The following RIMBP2 variants were observed in gnomAD, a reference collection of about 807,000 sequenced individuals.
The protein encoded by RIMBP2 is RIMS binding protein 2.
Under a neutral mutation model 118.6 loss-of-function variants are expected in RIMBP2, and 48 were observed. The ratio of observed to expected loss-of-function variants is 0.40; its 90% CI spans 0.32 to 0.51. RIMBP2 has a LOEUF of 0.51. RIMBP2 is among the 20% of genes least tolerant of loss of function. RIMBP2 has a pLI of 0.41. For missense variants in RIMBP2, 1,551 were observed against 1,768.3 expected (o/e 0.88, Z 2.20); for synonymous variants, 762 against 742.9 (o/e 1.03, Z -0.42).
At chr12:130,438,340 C>CCCCA (rs1947402746) in intron 12 of RIMBP2, 25 bp downstream of exon 12, 15 of 1,107,848 alleles carry the variant, frequency 1.4e-5, no homozygotes, top group Non-Finnish European at 1.9e-5. Context: ...AACAAACCCT[C>CCCCA]CCCACCCACC....
chr12:130,497,417 GT>G (rs1398914915), intron 4 of RIMBP2, among the ~76,000 whole-genome samples: 1 of 152,170 alleles, frequency 6.6e-6, no homozygotes, highest in African/African-American at 2.4e-5. Flanking sequence ...TAGAAACCTT[GT>G]GAGTGTGAAG....
intron 1 of RIMBP2, among the ~76,000 whole-genome samples, chr12:130,692,459 A>G (rs1343071571): frequency 6.6e-6 from 1 of 152,084 alleles, no homozygotes; most frequent in Non-Finnish European, 1.5e-5. Flanking sequence ...AATTTTAATT[A>G]AAAACCATTA....
chr12:130,439,953 A>G (rs796883508), intron 11 of RIMBP2, among the ~76,000 whole-genome samples: 61 of 150,974 alleles, frequency 4.0e-4, no homozygotes, highest in African/African-American at 1.4e-3. Flanking sequence ...GTATTCATGT[A>G]TGTGGGTCTG....
intron 2 of RIMBP2, among the ~76,000 whole-genome samples, chr12:130,604,471 CCACTCACTCACTCACT>C (rs140093680): frequency 1.6e-3 from 221 of 134,046 alleles, no homozygotes; most frequent in South Asian, 4.8e-3. Flanking sequence ...CATTCACTCT[CCACTCACTCACTCACT>C]CACTCACTCA....
intron 2 of RIMBP2, among the ~76,000 whole-genome samples, chr12:130,592,346 CT>C (rs2140328532): frequency 6.6e-6 from 1 of 152,298 alleles, no homozygotes; most frequent in South Asian, 2.1e-4. Context: ...GGTCTCTTTT[CT>C]GTTTTGACAG....
intron 1 of RIMBP2, among the ~76,000 whole-genome samples, chr12:130,674,722 T>C (rs79411835): frequency 6.6e-6 from 1 of 152,112 alleles, no homozygotes; most frequent in Admixed American, 6.5e-5. Context: ...AAAACCTTCT[T>C]ATCACCCCAA....
At chr12:130,593,383 C>T (rs957711515) in intron 2 of RIMBP2, among the ~76,000 whole-genome samples, 2 of 152,238 alleles carry the variant, frequency 1.3e-5, no homozygotes, top group African/African-American at 2.4e-5. Flanking sequence ...GTGCCCCGCA[C>T]AGGGAAGACG....
Position 130,447,479 on chromosome 12 carries a change from A to C in RIMBP2, c.582-2210T>G, listed in dbSNP as rs1450793832. On this transcript the variant is annotated intron_variant, in intron 9 of 22. Transcript: ENST00000690449. The surrounding 1 kb of genome is among the most constrained non-coding windows in gnomAD (Gnocchi z 4.4). ...TAGGTCAGGGGTCACGCAGCGCTGG[A>C]GGCGGGGGAGGAGGGACAGGTGATC... is the stretch of plus-strand genomic sequence containing the variant. Among the ~76,000 whole-genome samples the C allele has an allele frequency of 6.6e-6, 1 of 151,564 alleles. No homozygotes were observed. The highest frequency in any genetic ancestry group is 6.6e-5 in the Admixed American group (1 of 15,226).
chr12:130,685,704 T>C (rs7972744), intron 1 of RIMBP2, among the ~76,000 whole-genome samples: 11,870 of 152,182 alleles, frequency 0.078, 1,560 homozygotes, highest in African/African-American at 0.27. Context: ...CGACTCTTTA[T>C]GTTCTAAAAG....
intron 1 of RIMBP2, among the ~76,000 whole-genome samples, chr12:130,655,557 T>C (rs757596445): frequency 1.3e-5 from 2 of 152,166 alleles, no homozygotes; most frequent in Non-Finnish European, 2.9e-5. Flanking sequence ...TTAGGGAATT[T>C]ATTGAGATTT....
intron 1 of RIMBP2, among the ~76,000 whole-genome samples, chr12:130,713,247 A>AAGAT (rs1555327794): frequency 3.4e-5 from 5 of 147,868 alleles, no homozygotes; most frequent in African/African-American, 1.3e-4. Flanking sequence ...GGAAGGAAGG[A>AAGAT]AGGAAGGAAG....
intron 2 of RIMBP2, among the ~76,000 whole-genome samples, chr12:130,562,215 C>T (rs989617401): frequency 5.9e-5 from 9 of 152,138 alleles, no homozygotes; most frequent in African/African-American, 2.2e-4. Flanking sequence ...TACTTCAAAG[C>T]CACCCTCCAT....
chr12:130,451,238 A>G lies in RIMBP2; in HGVS notation c.461T>C (p.Phe154Ser). Residue 154 changes from phenylalanine to serine, a missense_variant, in exon 8 of 23, where the codon TTC becomes TCC. Coordinates refer to ENST00000690449, the MANE Select transcript of RIMBP2 (RefSeq NM_001393629.1). ...RPEPLSAKPT[F>S]LSRSGSARCR... ...TCTTGCGCTACCGGATCTCGACAGGAAGGTGGGCTTGGCGGACAGAGGCTC... is the reference window on the plus strand; with the variant it reads ...TCTTGCGCTACCGGATCTCGACAGGGAGGTGGGCTTGGCGGACAGAGGCTC... 6.2e-7 allele frequency: 1 copy of G among 1,614,144 alleles called. No individual in the cohort carries two copies. Among genetic ancestry groups the G allele is most frequent in the Non-Finnish European group, 8.5e-7 (1 of 1,180,006 alleles).
At chr12:130,498,811 C>G (rs1000889654) in intron 4 of RIMBP2, among the ~76,000 whole-genome samples, 2 of 152,116 alleles carry the variant, frequency 1.3e-5, no homozygotes, top group Non-Finnish European at 2.9e-5. Context: ...GCCATCTGAG[C>G]GTAACTACCC....
chr12:130,567,756 C>G (rs2057332010), intron 2 of RIMBP2, among the ~76,000 whole-genome samples: 1 of 152,228 alleles, frequency 6.6e-6, no homozygotes, highest in Non-Finnish European at 1.5e-5. Context: ...TCTTAATCAT[C>G]CCACCTCTTC....
chr12:130,605,594 G>C (rs1054210138), intron 2 of RIMBP2, among the ~76,000 whole-genome samples: 5 of 152,146 alleles, frequency 3.3e-5, no homozygotes, highest in African/African-American at 1.2e-4. Flanking sequence ...TGATAAAGTA[G>C]TAATAAAGTG....
chr12:130,549,909 C>G (rs781076105), intron 2 of RIMBP2, among the ~76,000 whole-genome samples: 1 of 152,136 alleles, frequency 6.6e-6, no homozygotes, highest in African/African-American at 2.4e-5. Context: ...TATTTCTGCT[C>G]TTAGCTCTTT....
chr12:130,408,655 G>A (rs1593192086), intron 19 of RIMBP2, among the ~76,000 whole-genome samples: 1 of 152,178 alleles, frequency 6.6e-6, no homozygotes, highest in African/African-American at 2.4e-5. Flanking sequence ...GCAGAACCTG[G>A]CCCAATCACG....
At chr12:130,613,859 C>T (rs954096341) in intron 2 of RIMBP2, among the ~76,000 whole-genome samples, 7 of 151,376 alleles carry the variant, frequency 4.6e-5, no homozygotes, top group African/African-American at 1.5e-4. Flanking sequence ...AGACAGCTCT[C>T]ATCGGCCTTT....
Sources: gnomAD v4.1 joint callset for allele counts (sites outside exome capture counted in the v4.1 genomes callset) on GRCh38, gnomAD v4.1.1 for gene constraint, Gnocchi (gnomAD v3.1) non-coding constraint, MANE v1.5 for transcripts, NCBI Gene and HGNC (gene_info 2026-07-23, HGNC 2026-07-21) for gene names.